OSBPL3: variants seen among roughly 807,000 people sequenced by gnomAD.
The protein encoded by OSBPL3 is oxysterol-binding protein-related protein 3.
Under a neutral mutation model 120.1 loss-of-function variants are expected in OSBPL3, and 65 were observed. The observed-to-expected ratio is 0.54, with a 90% CI of 0.44 to 0.67. The LOEUF is 0.67. Among genes scored for constraint, OSBPL3 ranks in the 30% least tolerant of loss-of-function variants. The pLI is 0.00. For missense variants in OSBPL3, 1,004 were observed against 1,082.1 expected (o/e 0.93, Z 1.01); for synonymous variants, 416 against 402.6 (o/e 1.03, Z -0.40).
chr7:24,909,680 T>A (rs1808490830), intron 1 of OSBPL3, among the ~76,000 whole-genome samples: 1 of 151,744 alleles, frequency 6.6e-6, no homozygotes, highest in Admixed American at 6.6e-5. Flanking sequence ...GCCAATCACC[T>A]CTGTCCTGGC....
chr7:24,839,382 G>C (rs1797411381), intron 14 of OSBPL3, among the ~76,000 whole-genome samples: 1 of 151,960 alleles, frequency 6.6e-6, no homozygotes, highest in Admixed American at 6.5e-5. Context: ...CTGTTTGGGG[G>C]GCTAGCCAGA....
chr7:24,919,214 T>C (rs540280993), intron 1 of OSBPL3, among the ~76,000 whole-genome samples: 2 of 152,076 alleles, frequency 1.3e-5, no homozygotes, highest in Non-Finnish European at 2.9e-5. Context: ...CATCAAAAAA[T>C]AATCTTTTCG....
chr7:24,868,677 T>C (rs1435612761), intron 5 of OSBPL3, among the ~76,000 whole-genome samples: 1 of 152,222 alleles, frequency 6.6e-6, no homozygotes, highest in Non-Finnish European at 1.5e-5. Flanking sequence ...AGGGGCTTTT[T>C]AATGTGTCAT....
At chr7:24,895,642 C>T (rs183055134) in intron 1 of OSBPL3, among the ~76,000 whole-genome samples, 35 of 152,222 alleles carry the variant, frequency 2.3e-4, no homozygotes, top group Admixed American at 2.1e-3. Flanking sequence ...CTAGGGGACA[C>T]CACAGGGATG....
In OSBPL3 at chr7:24,803,956, T is replaced by A. The variant is rs139465159; in HGVS notation, c.2567+359A>T. On this transcript the variant is annotated intron_variant, in intron 22 of 22. Transcript: ENST00000313367. This position sits in a 1 kb window ranked among gnomAD's most constrained non-coding sequence, Gnocchi z 4.2. ...TCTCTGTCATGGTGTAAAACATGCC[T>A]ATGGGGGTGACCAACCTTAGCTGTG... Among the ~76,000 whole-genome samples, 2 of 152,186 alleles carry A rather than the reference T, an allele frequency of 1.3e-5. No individual in the cohort carries two copies. Among genetic ancestry groups the A allele is most frequent in the Non-Finnish European group, 2.9e-5 (2 of 68,032 alleles).
Position 24,799,307 on chromosome 7 carries a change from C to T in OSBPL3, c.*876G>A, listed in dbSNP as rs1272924423. Reference sequence around the variant, plus strand: ...CTGTATGTTTTATATTAAACTGGGACATTCCATACTCAACAGGGAGGTGAT... The same window carrying T: ...CTGTATGTTTTATATTAAACTGGGATATTCCATACTCAACAGGGAGGTGAT... On this transcript the variant is annotated 3_prime_UTR_variant, in exon 23 of 23. Transcript: ENST00000313367. The surrounding 1 kb of genome is among the most constrained non-coding windows in gnomAD (Gnocchi z 5.3). The T allele has an allele frequency of 6.6e-6, 1 of 152,460 alleles. No individual in the cohort carries two copies. The highest frequency in any genetic ancestry group is 1.5e-5 in the Non-Finnish European group (1 of 68,038). The allele number at this position is 152,460 out of a possible 1,614,324, so 9.4% of individuals were successfully genotyped here.
chr7:24,873,322 T>C lies in OSBPL3; in HGVS notation c.97-1253A>G, dbSNP rs1016962464. 3.9e-5 allele frequency among the ~76,000 whole-genome samples: 6 copies of C among 152,220 alleles called. No homozygotes were observed. Among genetic ancestry groups the C allele is most frequent in the Non-Finnish European group, 7.3e-5 (5 of 68,030 alleles). On this transcript the variant is annotated intron_variant, in intron 2 of 22. Coordinates refer to ENST00000313367, the MANE Select transcript of OSBPL3 (RefSeq NM_015550.4). This position sits in a 1 kb window ranked among gnomAD's most constrained non-coding sequence, Gnocchi z 4.1. ...AACCACACAGGGTCCTGAGTGGCTC[T>C]GGCTCAGTTTCTGTGTTGTCCTCAA...
rs889460861 is a variant in OSBPL3, at chr7:24,830,794, T to C, written c.1858A>G (p.Lys620Glu). ...GETYECIRED[K>E]GFQFFSEQVS... ...TGTTCTGAAAAAAACTGGAAGCCCT[T>C]GTCCTCCCGAATACATTCATATGTT... The change falls in exon 16 of 23, where the codon AAG becomes GAG. Residue 620 changes from lysine to glutamate, a missense_variant. Lys to Glu is a moderately conservative substitution (Grantham distance 56). Transcript: ENST00000313367. This position sits in a 1 kb window ranked among gnomAD's most constrained non-coding sequence, Gnocchi z 4.4. The C allele has an allele frequency of 6.2e-7, 1 of 1,613,230 alleles. No individual in the cohort carries two copies. Among genetic ancestry groups the C allele is most frequent in the Admixed American group, 1.7e-5 (1 of 59,776 alleles).
chr7:24,871,705 T>C lies in OSBPL3; in HGVS notation c.267+37A>G. The C allele has an allele frequency of 2.6e-6, 4 of 1,512,418 alleles. No individual in the cohort carries two copies. The South Asian group carries it at 4.5e-5, about 17-fold the overall frequency. The allele number at this position is 1,512,418 out of a possible 1,614,324, so 93.7% of individuals were successfully genotyped here. A position where few individuals can be genotyped will look rare whatever the true frequency, so the allele number is the denominator to read the frequency against. On this transcript the variant is annotated intron_variant, in intron 4 of 22. Coordinates refer to ENST00000313367, the MANE Select transcript of OSBPL3 (RefSeq NM_015550.4). The surrounding 1 kb of genome is among the most constrained non-coding windows in gnomAD (Gnocchi z 4.8). ...TGAGCTGATGGTTACCCCTTTAGGA[T>C]TCTTCAATACCACAGTGGGCCCACA...
At position 24,884,744 on chromosome 7, in the gene OSBPL3, T is replaced by C. The variant is rs372800364; in HGVS notation, c.96+7633A>G. ...CAAGGCAGAGAGAGGGTATTAACTT[T>C]GTCCAAGATCAAACAACTTATAAAC... is the stretch of plus-strand genomic sequence containing the variant. On this transcript the variant is annotated intron_variant, in intron 2 of 22. Coordinates refer to ENST00000313367, the MANE Select transcript of OSBPL3 (RefSeq NM_015550.4). Among the ~76,000 whole-genome samples the C allele has an allele frequency of 1.1e-4, 17 of 152,322 alleles. 1 individual carries two copies. Among genetic ancestry groups the C allele is most frequent in the Admixed American group, 4.6e-4 (7 of 15,304 alleles).
chr7:24,978,711 T>C (rs1817856674), intron 1 of OSBPL3, among the ~76,000 whole-genome samples: 1 of 152,184 alleles, frequency 6.6e-6, no homozygotes, highest in Non-Finnish European at 1.5e-5. Flanking sequence ...TTTGCAGCTG[T>C]AGTTTAAAAT....
chr7:24,979,852 C>G, intron 1 of OSBPL3, 34 bp downstream of exon 1: 1 of 978,760 alleles, frequency 1.0e-6, no homozygotes, highest in Non-Finnish European at 1.2e-6. Flanking sequence ...CCCCGACACC[C>G]AGGCCCCATT....
Position 24,923,254 on chromosome 7 carries a change from G to A in OSBPL3, c.-149-30633C>T, listed in dbSNP as rs967303077. On this transcript the variant is annotated intron_variant, in intron 1 of 22. Coordinates refer to ENST00000313367, the MANE Select transcript of OSBPL3 (RefSeq NM_015550.4). Reference sequence around the variant, plus strand: ...CAGGACTGGGGAGTCAGAGCTAGAAGAGCGTCTCTGCTCCTCAGCAACCTG... The same window carrying A: ...CAGGACTGGGGAGTCAGAGCTAGAAAAGCGTCTCTGCTCCTCAGCAACCTG... 9.9e-5 allele frequency among the ~76,000 whole-genome samples: 15 copies of A among 152,204 alleles called. No individual in the cohort carries two copies. In the South Asian group the frequency reaches 2.1e-3, roughly 21 times the overall value.
chr7:24,934,570 GCTGATCTT>G (rs1277810917), intron 1 of OSBPL3, among the ~76,000 whole-genome samples: 9 of 152,160 alleles, frequency 5.9e-5, no homozygotes, highest in African/African-American at 2.2e-4. Flanking sequence ...TATCATGCAA[GCTGATCTT>G]CTCAAAATCG....
chr7:24,831,009 G>T lies in OSBPL3; in HGVS notation c.1747-104C>A. 1 of 1,172,822 alleles carries T rather than the reference G, an allele frequency of 8.5e-7. No homozygotes were observed. Among genetic ancestry groups the T allele is most frequent in the Non-Finnish European group, 1.1e-6 (1 of 869,818 alleles). 72.7% of individuals were successfully genotyped at this position (1,172,822 alleles called of 1,614,324 possible). On this transcript the variant is annotated intron_variant, in intron 15 of 22. Coordinates refer to ENST00000313367, the MANE Select transcript of OSBPL3 (RefSeq NM_015550.4). The surrounding 1 kb of genome is among the most constrained non-coding windows in gnomAD (Gnocchi z 4.0). ...AACCTCTATGATTTTCTTTCAGAAAGCCAAAGATTTGTCTTTGGTTGTTTT... is the reference window on the plus strand; with the variant it reads ...AACCTCTATGATTTTCTTTCAGAAATCCAAAGATTTGTCTTTGGTTGTTTT...
intron 1 of OSBPL3, among the ~76,000 whole-genome samples, chr7:24,974,168 C>T (rs978823280): frequency 1.3e-5 from 2 of 152,198 alleles, no homozygotes; most frequent in African/African-American, 4.8e-5. Flanking sequence ...ATGCGACCAA[C>T]GGCTGCCTGG....
At chr7:24,814,336 G>GTGGA (rs1280263935) in intron 19 of OSBPL3, among the ~76,000 whole-genome samples, 1 of 152,126 alleles carries the variant, frequency 6.6e-6, no homozygotes, top group East Asian at 1.9e-4. Flanking sequence ...GTGTGAAAGG[G>GTGGA]TGGAGATGGG....
In OSBPL3 at chr7:24,897,509, T is replaced by C. The variant is rs1000098256; in HGVS notation, c.-149-4888A>G. 4.6e-5 allele frequency among the ~76,000 whole-genome samples: 7 copies of C among 151,712 alleles called. No homozygotes were observed. In the East Asian group the frequency reaches 1.4e-3, roughly 29 times the overall value. On this transcript the variant is annotated intron_variant, in intron 1 of 22. Transcript: ENST00000313367. ...CCCGGCTAATTTTTTGTATTTTTAG[T>C]AGAGACGGGGTTTCACCGTGTTAGC...
intron 1 of OSBPL3, among the ~76,000 whole-genome samples, chr7:24,921,274 C>T (rs994345545): frequency 6.6e-6 from 1 of 152,062 alleles, no homozygotes; most frequent in Non-Finnish European, 1.5e-5. Context: ...CACATATGTA[C>T]ACCCATATTC....
Sources: allele counts gnomAD v4.1 joint callset (sites outside exome capture counted in the v4.1 genomes callset), GRCh38; gene constraint gnomAD v4.1.1; non-coding constraint Gnocchi (gnomAD v3.1); transcripts MANE v1.5; gene names NCBI Gene and HGNC (gene_info 2026-07-23, HGNC 2026-07-21).